ITGA9: variants seen among roughly 807,000 people sequenced by gnomAD.
The protein encoded by ITGA9 is integrin subunit alpha 9, also known as integrin alpha-9.
In ITGA9, 56 loss-of-function variants were observed where a neutral mutation model predicts 127.8. That is an observed-to-expected ratio of 0.44 (90% CI 0.35 to 0.55). The LOEUF (loss-of-function observed/expected upper bound fraction) is 0.55, where lower values mean the gene tolerates loss of function less well. Ranked by LOEUF, ITGA9 falls within the 20% of genes least tolerant of loss-of-function variation. The pLI is 0.00. For synonymous variants in ITGA9, 508 were observed against 514.5 expected, an observed-to-expected ratio of 0.99 and a Z score of 0.17; for missense variants, 1,196 against 1,347.1, an observed-to-expected ratio of 0.89 and a Z score of 1.76.
At chr3:37,521,039 A>AT (rs1239983257) in intron 11 of ITGA9, among the ~76,000 whole-genome samples, 1 of 152,252 alleles carries the variant, frequency 6.6e-6, no homozygotes, top group East Asian at 1.9e-4. Flanking sequence ...GGAAGCAGGG[A>AT]TAGCATCTGG....
chr3:37,638,771 C>T (rs567377845), intron 16 of ITGA9, among the ~76,000 whole-genome samples: 4 of 152,286 alleles, frequency 2.6e-5, no homozygotes, highest in Non-Finnish European at 5.9e-5. Flanking sequence ...TTGGGGTCTG[C>T]CCCCACTGAT....
chr3:37,779,954 C>G lies in ITGA9; in HGVS notation c.2720C>G (p.Ala907Gly), dbSNP rs1559596589. 4 of 1,613,290 alleles carry G rather than the reference C, an allele frequency of 2.5e-6. No homozygotes were observed. ...CTAACAGCACACTGTAACTTTAGTG[C>G]TCTTGCTAAAGAAGAAAGTCGTACT... Reference protein sequence around the residue: ...SCLTAHCNFSALAKEESRTID... With the variant: ...SCLTAHCNFSGLAKEESRTID... The change falls in exon 25 of 28, where the codon GCT becomes GGT. Residue 907 changes from alanine to glycine, a missense_variant. Physicochemically the swap from Ala to Gly is moderately conservative, Grantham distance 60 (BLOSUM62 0). Coordinates refer to ENST00000264741, the MANE Select transcript of ITGA9 (RefSeq NM_002207.3).
chr3:37,528,258 T>C (rs1233006885), intron 13 of ITGA9, among the ~76,000 whole-genome samples: 3 of 152,214 alleles, frequency 2.0e-5, no homozygotes, highest in Non-Finnish European at 4.4e-5. Context: ...TGCTCACATA[T>C]GGATGTAAAG....
intron 18 of ITGA9, among the ~76,000 whole-genome samples, chr3:37,706,736 G>A (rs750498161): frequency 3.3e-5 from 5 of 152,314 alleles, no homozygotes; most frequent in Non-Finnish European, 7.3e-5. Context: ...CCAGAAAGAA[G>A]TGACACAGAA....
Position 37,750,571 on chromosome 3 carries a change from T to C in ITGA9, c.2541+2T>C. The C allele has an allele frequency of 6.3e-7, 1 of 1,584,266 alleles. No individual in the cohort carries two copies. Among genetic ancestry groups the C allele is most frequent in the African/African-American group, 1.3e-5 (1 of 74,444 alleles). ...ATGTTTCATGTCCAGGAAATGGTGG[T>C]GAGTTCTCCATTTGTTTTCACTATT... On this transcript the variant is annotated splice_donor_variant, in intron 23 of 27. Coordinates refer to ENST00000264741, the MANE Select transcript of ITGA9 (RefSeq NM_002207.3). LOFTEE classifies it high-confidence loss of function.
At chr3:37,648,944 T>TCA (rs1700403990) in intron 16 of ITGA9, among the ~76,000 whole-genome samples, 1 of 151,910 alleles carries the variant, frequency 6.6e-6, no homozygotes, top group South Asian at 2.1e-4. Flanking sequence ...ATCAATAGCA[T>TCA]GTAACTTGGG....
intron 15 of ITGA9, among the ~76,000 whole-genome samples, chr3:37,575,914 T>C (rs899039335): frequency 2.0e-5 from 3 of 152,204 alleles, no homozygotes; most frequent in African/African-American, 4.8e-5. Context: ...AATTGAGTTT[T>C]AGGGGGGCTA....
chr3:37,636,029 C>T (rs1288351987), intron 16 of ITGA9, among the ~76,000 whole-genome samples: 14 of 151,968 alleles, frequency 9.2e-5, no homozygotes, highest in Admixed American at 2.0e-4. Flanking sequence ...TCCAGTCTAT[C>T]GTTGTTGGAC....
At chr3:37,467,503 G>T (rs1382023030) in intron 1 of ITGA9, among the ~76,000 whole-genome samples, 4 of 152,154 alleles carry the variant, frequency 2.6e-5, no homozygotes. Flanking sequence ...GATAACCTAT[G>T]AATCTGTGTC....
intron 16 of ITGA9, among the ~76,000 whole-genome samples, chr3:37,630,654 C>T (rs1041963871): frequency 6.6e-6 from 1 of 152,200 alleles, no homozygotes; most frequent in African/African-American, 2.4e-5. Flanking sequence ...AGCCTACACA[C>T]ACATCAGCCA....
At chr3:37,514,360 C>T (rs1698963410) in intron 9 of ITGA9, among the ~76,000 whole-genome samples, 1 of 152,204 alleles carries the variant, frequency 6.6e-6, no homozygotes, top group Non-Finnish European at 1.5e-5. Context: ...TGCCACCTCT[C>T]TGGGAGCATA....
At chr3:37,498,011 G>T (rs186642153) in intron 5 of ITGA9, among the ~76,000 whole-genome samples, 35 of 152,326 alleles carry the variant, frequency 2.3e-4, no homozygotes, top group Admixed American at 5.2e-4. Context: ...GGGAGGCAGA[G>T]AATATGAAGG....
At chr3:37,767,092 A>C (rs1696788226) in intron 23 of ITGA9, among the ~76,000 whole-genome samples, 1 of 152,194 alleles carries the variant, frequency 6.6e-6, no homozygotes, top group Non-Finnish European at 1.5e-5. Context: ...TGTCACACGC[A>C]AAGGAAGAGG....
intron 18 of ITGA9, among the ~76,000 whole-genome samples, chr3:37,703,939 G>C (rs1700975522): frequency 6.6e-6 from 1 of 152,076 alleles, no homozygotes; most frequent in Admixed American, 6.6e-5. Context: ...CAGGCAGGCT[G>C]GTACTTAATC....
intron 15 of ITGA9, among the ~76,000 whole-genome samples, chr3:37,586,319 T>C (rs1315350955): frequency 6.6e-6 from 1 of 152,194 alleles, no homozygotes; most frequent in Non-Finnish European, 1.5e-5. Context: ...ATAAGATTCT[T>C]TCAACTTTAC....
chr3:37,707,619 C>T (rs1337726888), intron 18 of ITGA9, among the ~76,000 whole-genome samples: 1 of 152,198 alleles, frequency 6.6e-6, no homozygotes, highest in Admixed American at 6.5e-5. Flanking sequence ...CACCTGTGCA[C>T]ATTCTGCTTC....
rs1699089428 is a variant in ITGA9, at chr3:37,526,011, ACTT to A, written c.1328-12_1328-10del. On this transcript the variant is annotated splice_polypyrimidine_tract_variant and intron_variant, in intron 12 of 27. Transcript: ENST00000264741. Reference sequence around the variant, plus strand: ...TTCAGCAAGTTTCTGAACGCTGTAAACTTCTCATTTTCAGATGTCACTGTTGGA... The same window carrying A: ...TTCAGCAAGTTTCTGAACGCTGTAAACTCATTTTCAGATGTCACTGTTGGA... The A allele has an allele frequency of 2.5e-6, 4 of 1,613,324 alleles. No individual in the cohort carries two copies. The highest frequency in any genetic ancestry group is 3.4e-6 in the Non-Finnish European group (4 of 1,179,640).
At chr3:37,650,815 A>G (rs1293024822) in intron 16 of ITGA9, among the ~76,000 whole-genome samples, 4 of 139,736 alleles carry the variant, frequency 2.9e-5, no homozygotes, top group South Asian at 2.2e-4. Flanking sequence ...TCATTTGCCA[A>G]TGTTAAATAG....
intron 16 of ITGA9, among the ~76,000 whole-genome samples, chr3:37,646,891 G>T (rs1700383159): frequency 1.3e-5 from 2 of 151,952 alleles, no homozygotes; most frequent in Admixed American, 1.3e-4. Flanking sequence ...CCTGTACTTT[G>T]TACCAAGGAG....
Sources: allele counts gnomAD v4.1 joint callset (sites outside exome capture counted in the v4.1 genomes callset), GRCh38; gene constraint gnomAD v4.1.1; transcripts MANE v1.5; gene names NCBI Gene and HGNC (gene_info 2026-07-23, HGNC 2026-07-21).